AKR1C3: variants seen among roughly 807,000 people sequenced by gnomAD.
AKR1C3 encodes the protein aldo-keto reductase family 1 member C3.
AKR1C3 carries 48 observed loss-of-function variants against 43.6 expected under a neutral mutation model. That is an observed-to-expected ratio of 1.10 (90% CI 0.87 to 1.40). The LOEUF (loss-of-function observed/expected upper bound fraction) is 1.40. Ranked by LOEUF, AKR1C3 falls within the 40% of genes most tolerant of loss-of-function variation. The pLI is 0.00. For missense variants in AKR1C3, 482 were observed against 391.2 expected, an observed-to-expected ratio of 1.23 and a Z score of -1.96; for synonymous variants, 162 against 139.6, an observed-to-expected ratio of 1.16 and a Z score of -1.13.
chr10:5,102,375 G>A (rs1839378315), intron 6 of AKR1C3, 110 bp from the exon 7 acceptor site: 2 of 1,587,624 alleles, frequency 1.3e-6, no homozygotes, highest in Non-Finnish European at 1.7e-6. Flanking sequence ...ATGCTCGGGG[G>A]CCTCGCTTGA....
At chr10:5,081,496 T>C (rs1028657846) in intron 1 of AKR1C3, among the ~76,000 whole-genome samples, 1 of 152,176 alleles carries the variant, frequency 6.6e-6, no homozygotes, top group Non-Finnish European at 1.5e-5. Flanking sequence ...TGAAAAACAA[T>C]CATTGTATAT....
At position 5,055,285 on chromosome 10, in the gene AKR1C3, C is replaced by A. The variant is rs927448968; in HGVS notation, c.84+6390C>A. Reference sequence around the variant, plus strand: ...AGAGATCATCTCAGACGGCATAAATCTAGACTATAATTTGTTGGCAGTCAT... The same window carrying A: ...AGAGATCATCTCAGACGGCATAAATATAGACTATAATTTGTTGGCAGTCAT... On this transcript the variant is annotated intron_variant, in intron 1 of 8. Transcript: ENST00000439082. 6.8e-4 allele frequency among the ~76,000 whole-genome samples: 103 copies of A among 152,342 alleles called. 1 individual carries two copies. The highest frequency in any genetic ancestry group is 8.5e-4 in the Non-Finnish European group (58 of 68,038).
In AKR1C3 at chr10:5,048,982, G is replaced by A. The variant is rs150297572; in HGVS notation, c.84+87G>A. The A allele has an allele frequency of 2.2e-3, 2,268 of 1,043,830 alleles. 4 individuals are homozygous for A. Among genetic ancestry groups the A allele is most frequent in the Non-Finnish European group, 2.9e-3 (1,973 of 672,950 alleles). The allele number at this position is 1,043,830 out of a possible 1,614,324, so 64.7% of individuals were successfully genotyped here. A position where few individuals can be genotyped will look rare whatever the true frequency, so the allele number is the denominator to read the frequency against. On this transcript the variant is annotated intron_variant, in intron 1 of 8. Transcript: ENST00000439082. The stretch of plus-strand genomic sequence containing the variant: ...GACCTGGGTTGTCAGGTTTGTGTTC[G>A]TGTATTACTCTGCATGACTCCAACC...
At chr10:5,105,216 A>G (rs11252950) in intron 7 of AKR1C3, 42,328 of 160,624 alleles carry the variant, frequency 0.26, 5,817 homozygotes, top group Middle Eastern at 0.38. Flanking sequence ...AATATCTATC[A>G]AACTTAATAT....
chr10:5,065,478 C>T (rs376125891), intron 1 of AKR1C3, among the ~76,000 whole-genome samples: 10 of 151,944 alleles, frequency 6.6e-5, no homozygotes, highest in Admixed American at 4.6e-4. Context: ...ATTGTGTTAC[C>T]GAAAGAGGGT....
At position 5,083,810 on chromosome 10, in the gene AKR1C3, G is replaced by C. The variant is rs577725642; in HGVS notation, c.85-12600G>C. ...TGGTATCTCATTGTGGTTTTGATTT[G>C]TATTTCTCTGATGGCCAGTGATGAT... On this transcript the variant is annotated intron_variant, in intron 1 of 8. Transcript: ENST00000439082. 2.6e-5 allele frequency among the ~76,000 whole-genome samples: 4 copies of C among 152,256 alleles called. No homozygotes were observed. The East Asian group carries it at 7.7e-4, about 29-fold the overall frequency.
intron 1 of AKR1C3, among the ~76,000 whole-genome samples, chr10:5,051,057 G>A (rs1554778872): frequency 6.6e-6 from 1 of 152,070 alleles, no homozygotes; most frequent in Non-Finnish European, 1.5e-5. Flanking sequence ...AGATGTACAG[G>A]AATGTTTTTG....
chr10:5,086,478 G>T (rs781477651), intron 1 of AKR1C3, among the ~76,000 whole-genome samples: 10 of 151,730 alleles, frequency 6.6e-5, no homozygotes, highest in Non-Finnish European at 1.5e-4. Context: ...CATTTGCTGA[G>T]GAGAGCTTTA....
intron 8 of AKR1C3, among the ~76,000 whole-genome samples, chr10:5,106,665 C>T (rs188176925): frequency 5.0e-4 from 76 of 151,556 alleles, no homozygotes; most frequent in African/African-American, 1.8e-3. Context: ...GCAGGAGAAT[C>T]GCTTGAACCC....
intron 7 of AKR1C3, among the ~76,000 whole-genome samples, chr10:5,104,392 A>AC (rs111474064): frequency 0.87 from 132,436 of 152,072 alleles, 57,924 homozygotes; most frequent in African/African-American, 0.96. Flanking sequence ...TTGATTTTTT[A>AC]CTCTACCATA....
chr10:5,050,279 A>G (rs1407185923), intron 1 of AKR1C3, among the ~76,000 whole-genome samples: 1 of 152,250 alleles, frequency 6.6e-6, no homozygotes, highest in Non-Finnish European at 1.5e-5. Context: ...AGTGGAGTGA[A>G]TAGGAGCACT....
At chr10:5,051,867 C>T (rs1406744851) in intron 1 of AKR1C3, among the ~76,000 whole-genome samples, 1 of 152,168 alleles carries the variant, frequency 6.6e-6, no homozygotes, top group Non-Finnish European at 1.5e-5. Context: ...TAATTCAGTG[C>T]TCTCTTCTAA....
intron 1 of AKR1C3, among the ~76,000 whole-genome samples, chr10:5,062,633 G>T (rs1838402421): frequency 6.6e-6 from 1 of 152,000 alleles, no homozygotes; most frequent in South Asian, 2.1e-4. Context: ...AAAGTTGATT[G>T]AGGTAATTAC....
chr10:5,085,237 T>C (rs1315335324), intron 1 of AKR1C3, among the ~76,000 whole-genome samples: 3 of 151,984 alleles, frequency 2.0e-5, no homozygotes, highest in African/African-American at 7.3e-5. Context: ...CTTATTATTT[T>C]GAGATATGTG....
chr10:5,058,925 G>C (rs1446213916), intron 1 of AKR1C3, among the ~76,000 whole-genome samples: 3 of 152,152 alleles, frequency 2.0e-5, no homozygotes, highest in Non-Finnish European at 1.5e-5. Flanking sequence ...TTAGTATTAG[G>C]ACTTTACCCC....
chr10:5,097,756 C>T, intron 3 of AKR1C3: 3 of 1,338,836 alleles, frequency 2.2e-6, no homozygotes, highest in Non-Finnish European at 2.9e-6. Flanking sequence ...GAAGAGAGTA[C>T]AGCAACCTCA....
chr10:5,079,610 A>G (rs1291511319), intron 1 of AKR1C3, among the ~76,000 whole-genome samples: 2 of 151,020 alleles, frequency 1.3e-5, no homozygotes, highest in East Asian at 4.0e-4. Context: ...GCCACTGTCT[A>G]TCTTCCTGAG....
chr10:5,048,792 T>C (rs1253887771), upstream of AKR1C3: 3 of 1,610,602 alleles, frequency 1.9e-6, no homozygotes, highest in Non-Finnish European at 2.5e-6. Context: ...AAACATTTGC[T>C]AGCCAGCTGA....
intron 8 of AKR1C3, among the ~76,000 whole-genome samples, chr10:5,106,026 TA>T (rs2131854600): frequency 6.6e-6 from 1 of 152,332 alleles, no homozygotes; most frequent in Non-Finnish European, 1.5e-5. Context: ...AATCTGTGCT[TA>T]TATCACATTG....
Sources: gnomAD v4.1 joint callset for allele counts (sites outside exome capture counted in the v4.1 genomes callset) on GRCh38, gnomAD v4.1.1 for gene constraint, MANE v1.5 for transcripts, NCBI Gene and HGNC (gene_info 2026-07-23, HGNC 2026-07-21) for gene names.